The following SLC15A5 variants were observed in gnomAD, a reference collection of about 807,000 sequenced individuals.
The protein encoded by SLC15A5 is Peptide/histidine transporter ENSP00000340402.
A neutral mutation model predicts 56.1 loss-of-function variants in SLC15A5; 58 were observed. That is an observed-to-expected ratio of 1.03 (90% confidence interval 0.84 to 1.29). The LOEUF (loss-of-function observed/expected upper bound fraction) is 1.29. SLC15A5 is among the 50% of genes most tolerant of loss of function. The pLI is 0.00. For synonymous variants in SLC15A5, 264 were observed against 250.5 expected (o/e 1.05, Z -0.51); for missense variants, 681 against 672.1 (o/e 1.01, Z -0.15).
intron 2 of SLC15A5, among the ~76,000 whole-genome samples, chr12:16,268,737 T>A (rs1044289127): frequency 2.6e-5 from 4 of 152,186 alleles, no homozygotes; most frequent in Non-Finnish European, 5.9e-5. Context: ...TAGTTTCATT[T>A]CTTTTCAAAG....
intron 7 of SLC15A5, among the ~76,000 whole-genome samples, chr12:16,216,381 A>G (rs1441307986): frequency 1.3e-5 from 2 of 152,318 alleles, no homozygotes; most frequent in South Asian, 2.1e-4. Context: ...ATTTCAAACA[A>G]TATTTGAATT....
rs1278204260 is a variant in SLC15A5, at chr12:16,196,516, A to G, written c.1484-2063T>C. ...TAACATCCTACTTATTTTCAGGAAG[A>G]ACTAAACCATCCTTCTAAGCCTATT... On this transcript the variant is annotated intron_variant, in intron 7 of 8. Transcript: ENST00000344941. The surrounding 1 kb of genome is among the most constrained non-coding windows in gnomAD (Gnocchi z 4.0). Among the ~76,000 whole-genome samples the G allele has an allele frequency of 2.6e-5, 4 of 152,076 alleles. No homozygotes were observed. Among genetic ancestry groups the G allele is most frequent in the African/African-American group, 9.7e-5 (4 of 41,432 alleles).
intron 7 of SLC15A5, among the ~76,000 whole-genome samples, chr12:16,206,326 T>C (rs1359659773): frequency 6.6e-6 from 1 of 152,228 alleles, no homozygotes; most frequent in Non-Finnish European, 1.5e-5. Flanking sequence ...GAAATGCATA[T>C]AGCAAGGTCT....
rs562892683 is a variant in SLC15A5 at position 16,271,114 on chromosome 12, C to T, written c.584+1447G>A. Among the ~76,000 whole-genome samples, 3 of 152,242 alleles carry T rather than the reference C, an allele frequency of 2.0e-5. No individual in the cohort carries two copies. The highest frequency in any genetic ancestry group is 1.9e-4 in the East Asian group (1 of 5,170). On this transcript the variant is annotated intron_variant, in intron 2 of 8. Coordinates refer to ENST00000344941, the MANE Select transcript of SLC15A5 (RefSeq NM_001170798.1). The surrounding 1 kb of genome is among the most constrained non-coding windows in gnomAD (Gnocchi z 8.0). ...TTACAGCTGCAGAAATTCATTTTCACCCCATTCCCCATCCCCCTTCCTGAA... is the reference window on the plus strand; with the variant it reads ...TTACAGCTGCAGAAATTCATTTTCATCCCATTCCCCATCCCCCTTCCTGAA...
In SLC15A5 at chr12:16,189,829, AAAG is replaced by A; in HGVS notation, c.1593-17_1593-15del. 1 of 1,464,332 alleles carries A rather than the reference AAAG, an allele frequency of 6.8e-7. No individual in the cohort carries two copies. The highest frequency in any genetic ancestry group is 9.0e-7 in the Non-Finnish European group (1 of 1,111,386). 90.7% of individuals were successfully genotyped at this position (1,464,332 alleles called of 1,614,324 possible). A position where few individuals can be genotyped will look rare whatever the true frequency, so the allele number is the denominator to read the frequency against. Reference sequence around the variant, plus strand: ...AGATTACAATATCTAAAAAAGAAAGAAAGAAAGCTTTTCTTAGGACCAGATGTA... The same window carrying A: ...AGATTACAATATCTAAAAAAGAAAGAAAAGCTTTTCTTAGGACCAGATGTA... On this transcript the variant is annotated splice_polypyrimidine_tract_variant and intron_variant, in intron 8 of 8. Transcript: ENST00000344941.
intron 4 of SLC15A5, among the ~76,000 whole-genome samples, chr12:16,242,051 C>T (rs981260933): frequency 6.6e-6 from 1 of 152,098 alleles, no homozygotes; most frequent in Non-Finnish European, 1.5e-5. Context: ...TCATTCTCAC[C>T]TTTGACTGGC....
At chr12:16,229,675 C>T (rs1192257603) in intron 5 of SLC15A5, among the ~76,000 whole-genome samples, 1 of 151,544 alleles carries the variant, frequency 6.6e-6, no homozygotes, top group African/African-American at 2.4e-5. Flanking sequence ...CACACACACA[C>T]ACACACACAA....
chr12:16,246,875 A>C (rs913051654), intron 3 of SLC15A5, among the ~76,000 whole-genome samples: 1 of 152,118 alleles, frequency 6.6e-6, no homozygotes, highest in Non-Finnish European at 1.5e-5. Flanking sequence ...AGGTAGTGGT[A>C]GTTCAGATTA....
rs1864435953 is a variant in SLC15A5 at position 16,243,781 on chromosome 12, G to T, written c.975+799C>A. ...AAAGAAAGTCACTTAATTTTTCTGA[G>T]CCTAAGGTTCCTGTTTAACAAATAA... is the stretch of plus-strand genomic sequence containing the variant. On this transcript the variant is annotated intron_variant, in intron 4 of 8. Coordinates refer to ENST00000344941, the MANE Select transcript of SLC15A5 (RefSeq NM_001170798.1). This position sits in a 1 kb window ranked among gnomAD's most constrained non-coding sequence, Gnocchi z 4.4. Among the ~76,000 whole-genome samples, 1 of 152,064 alleles carries T rather than the reference G, an allele frequency of 6.6e-6. No individual in the cohort carries two copies. The highest frequency in any genetic ancestry group is 6.5e-5 in the Admixed American group (1 of 15,270).
chr12:16,214,660 G>A (rs1267568716), intron 7 of SLC15A5, among the ~76,000 whole-genome samples: 2 of 152,100 alleles, frequency 1.3e-5, no homozygotes, highest in African/African-American at 2.4e-5. Flanking sequence ...TGTGGTTAGT[G>A]CATACCTGGG....
intron 7 of SLC15A5, among the ~76,000 whole-genome samples, chr12:16,195,678 C>G (rs1852449): frequency 0.48 from 73,239 of 151,910 alleles, 18,146 homozygotes; most frequent in South Asian, 0.72. Context: ...TCAGTACCAT[C>G]TTTGGCACAT....
intron 7 of SLC15A5, among the ~76,000 whole-genome samples, chr12:16,205,433 T>C (rs552623257): frequency 6.6e-6 from 1 of 150,984 alleles, no homozygotes; most frequent in Admixed American, 6.6e-5. Flanking sequence ...CGGGAATAAG[T>C]TATGTACTTA....
intron 5 of SLC15A5, among the ~76,000 whole-genome samples, chr12:16,231,416 T>C (rs953300292): frequency 1.3e-5 from 2 of 152,078 alleles, no homozygotes; most frequent in African/African-American, 4.8e-5. Flanking sequence ...GATAACTGAT[T>C]TAGAAAAATA....
At position 16,188,846 on chromosome 12, in the gene SLC15A5, A is replaced by G. The variant is rs187878683; in HGVS notation, c.*822T>C. 6 of 152,230 alleles carry G rather than the reference A, an allele frequency of 3.9e-5. No homozygotes were observed. In the East Asian group the frequency reaches 1.2e-3, roughly 29 times the overall value. 9.4% of individuals were successfully genotyped at this position (152,230 alleles called of 1,614,324 possible). On this transcript the variant is annotated 3_prime_UTR_variant, in exon 9 of 9. Coordinates refer to ENST00000344941, the MANE Select transcript of SLC15A5 (RefSeq NM_001170798.1). ...TTTTTTAAAAAATGAGTTTCCACATATTTTTGCTTATGAAAGAAGAAACTC... is the reference window on the plus strand; with the variant it reads ...TTTTTTAAAAAATGAGTTTCCACATGTTTTTGCTTATGAAAGAAGAAACTC...
At chr12:16,206,426 TCCTA>T (rs1280874364) in intron 7 of SLC15A5, among the ~76,000 whole-genome samples, 1 of 152,222 alleles carries the variant, frequency 6.6e-6, no homozygotes, top group African/African-American at 2.4e-5. Flanking sequence ...TTCATAGCTC[TCCTA>T]CCTGAGTTAA....
chr12:16,251,115 G>A (rs1371645588), intron 3 of SLC15A5, among the ~76,000 whole-genome samples: 1 of 151,832 alleles, frequency 6.6e-6, no homozygotes, highest in South Asian at 2.1e-4. Context: ...AATCACAAGG[G>A]AATTTAGAAA....
At chr12:16,277,232 T>C (rs1864829269) in intron 1 of SLC15A5, 93 bp downstream of exon 1, 2 of 1,216,196 alleles carry the variant, frequency 1.6e-6, no homozygotes, top group African/African-American at 3.1e-5. Context: ...CATTTTATGC[T>C]AAGAGCAGAG....
chr12:16,253,424 A>G (rs1232933032), intron 3 of SLC15A5, among the ~76,000 whole-genome samples: 2 of 152,100 alleles, frequency 1.3e-5, no homozygotes, highest in African/African-American at 4.8e-5. Flanking sequence ...ATGAACTTCT[A>G]CAACTTAAGA....
intron 5 of SLC15A5, among the ~76,000 whole-genome samples, chr12:16,228,804 A>G (rs187336880): frequency 6.0e-4 from 91 of 151,120 alleles, no homozygotes; most frequent in Non-Finnish European, 1.3e-4. Flanking sequence ...TTGTAAGAAT[A>G]CACTATGTAA....
Sources: allele counts gnomAD v4.1 joint callset (sites outside exome capture counted in the v4.1 genomes callset), GRCh38; gene constraint gnomAD v4.1.1; non-coding constraint Gnocchi (gnomAD v3.1); transcripts MANE v1.5; gene names NCBI Gene and HGNC (gene_info 2026-07-23, HGNC 2026-07-21).